The following OTUD5 variants were observed in gnomAD, a reference collection of about 807,000 sequenced individuals.
The protein encoded by OTUD5 is OTU domain-containing protein 5.
A neutral mutation model predicts 36.3 loss-of-function variants in OTUD5; 2 were observed. That is an observed-to-expected ratio of 0.06 (90% CI 0.02 to 0.17). OTUD5 has a LOEUF of 0.17. Among genes scored for constraint, OTUD5 ranks in the 10% least tolerant of loss-of-function variants. The probability of loss-of-function intolerance (pLI) is 1.00; values close to 1 mark genes in which losing one functional copy is unlikely to be tolerated. For synonymous variants in OTUD5, 234 were observed against 214.9 expected, an observed-to-expected ratio of 1.09 and a Z score of -0.78; for missense variants, 233 against 512.3, an observed-to-expected ratio of 0.45 and a Z score of 5.26.
intron 5 of OTUD5, among the ~76,000 whole-genome samples, chrX:48,934,097 G>C (rs1557049387): frequency 1.8e-5 from 2 of 111,492 alleles, no homozygotes; most frequent in African/African-American, 6.5e-5. Flanking sequence ...GGCCAGGCCT[G>C]TACCCCATGT....
intron 1 of OTUD5, among the ~76,000 whole-genome samples, chrX:48,946,812 G>A (rs1490626690): frequency 8.9e-6 from 1 of 112,280 alleles, no homozygotes; most frequent in African/African-American, 3.2e-5. Context: ...TAAAAAGAAG[G>A]GAACACAGCG....
chrX:48,942,280 C>CACACACACACACACACACAG (rs1475092896), intron 2 of OTUD5, among the ~76,000 whole-genome samples: 1 of 91,126 alleles, frequency 1.1e-5, no homozygotes, highest in African/African-American at 4.5e-5. Flanking sequence ...CACACACACA[C>CACACACACACACACACACAG]AGAGAACAGC....
At chrX:48,945,120 T>C (rs1403459610) in intron 1 of OTUD5, among the ~76,000 whole-genome samples, 1 of 110,721 alleles carries the variant, frequency 9.0e-6, no homozygotes, top group Non-Finnish European at 1.9e-5. Flanking sequence ...TACACATATA[T>C]ACATATGTAT....
chrX:48,949,406 G>A lies in OTUD5; in HGVS notation c.595-5123C>T, dbSNP rs73209763. 2.0e-3 allele frequency among the ~76,000 whole-genome samples: 224 copies of A among 111,982 alleles called. 1 individual carries two copies. Among genetic ancestry groups the A allele is most frequent in the Non-Finnish European group, 3.6e-3 (194 of 53,153 alleles). On this transcript the variant is annotated intron_variant, in intron 1 of 8. Coordinates refer to ENST00000376488, the MANE Select transcript of OTUD5 (RefSeq NM_001136157.2). ...TCTACAAAAAATACAGGCCAGGTAC[G>A]GTGATTCACGCCTGTAATCGCGGCA...
intron 5 of OTUD5, among the ~76,000 whole-genome samples, chrX:48,928,879 T>A: frequency 9.9e-6 from 1 of 101,515 alleles, no homozygotes; most frequent in Middle Eastern, 5.2e-3. Context: ...ATGATTACAA[T>A]TATATGACAT....
intron 1 of OTUD5, among the ~76,000 whole-genome samples, chrX:48,948,105 T>C (rs1427642808): frequency 8.9e-6 from 1 of 112,676 alleles, no homozygotes; most frequent in Non-Finnish European, 1.9e-5. Flanking sequence ...CCCAGCACTT[T>C]GGGAGGCCAA....
chrX:48,942,374 C>CA (rs2063949481), intron 2 of OTUD5, among the ~76,000 whole-genome samples: 1 of 107,794 alleles, frequency 9.3e-6, no homozygotes, highest in South Asian at 4.1e-4. Context: ...GCCAGGTCCT[C>CA]ACTAGCCAGT....
Position 48,922,475 on chromosome X carries a change from G to A in OTUD5, c.*699C>T, listed in dbSNP as rs2063596685. 24 of 740,224 alleles carry A rather than the reference G, an allele frequency of 3.2e-5. No homozygotes were observed. In the South Asian group the frequency reaches 1.2e-3, roughly 39 times the overall value. 61.0% of individuals were successfully genotyped at this position (740,224 alleles called of 1,213,427 possible). A position where few individuals can be genotyped will look rare whatever the true frequency, so the allele number is the denominator to read the frequency against. ...ACCTGCCGCCCTGCCCTTGCCCAGT[G>A]CACACCCTAGACCCTGGGCCGGCCT... On this transcript the variant is annotated 3_prime_UTR_variant, in exon 9 of 9. Transcript: ENST00000376488.
chrX:48,928,001 T>A (rs1428471553), intron 5 of OTUD5, among the ~76,000 whole-genome samples: 1 of 112,541 alleles, frequency 8.9e-6, no homozygotes, highest in Non-Finnish European at 1.9e-5. Context: ...GCTATACAGA[T>A]GGCAAATAAG....
rs2064275412 is a variant in OTUD5 at position 48,957,604 on chromosome X, G to C, written c.-34C>G. ...TGCCGAGTACCCCCCAACAAACCCGGCGCGGGGCACGCCGGGAGAGAACCC... is the reference window on the plus strand; with the variant it reads ...TGCCGAGTACCCCCCAACAAACCCGCCGCGGGGCACGCCGGGAGAGAACCC... On this transcript the variant is annotated 5_prime_UTR_variant, in exon 1 of 9. Coordinates refer to ENST00000376488, the MANE Select transcript of OTUD5 (RefSeq NM_001136157.2). 1 of 820,446 alleles carries C rather than the reference G, an allele frequency of 1.2e-6. No homozygotes were observed. 67.6% of individuals were successfully genotyped at this position (820,446 alleles called of 1,213,427 possible).
At chrX:48,935,677 A>G (rs1557049791) in intron 2 of OTUD5, among the ~76,000 whole-genome samples, 1 of 111,013 alleles carries the variant, frequency 9.0e-6, no homozygotes, top group Non-Finnish European at 1.9e-5. Flanking sequence ...GGAGGCTCAC[A>G]CCTGTTATCC....
In OTUD5 at chrX:48,936,969, C is replaced by T. The variant is rs183574582; in HGVS notation, c.689-1951G>A. Among the ~76,000 whole-genome samples, 457 of 111,748 alleles carry T rather than the reference C, an allele frequency of 4.1e-3. 2 individuals carry two copies. Among genetic ancestry groups the T allele is most frequent in the African/African-American group, 0.014 (444 of 30,688 alleles). On this transcript the variant is annotated intron_variant, in intron 2 of 8. Transcript: ENST00000376488. The stretch of plus-strand genomic sequence containing the variant: ...TGAAGAACTGTCAGAAGAACACCTT[C>T]CCTGCCTTCCCCTTCCTACCCTGGA...
intron 2 of OTUD5, among the ~76,000 whole-genome samples, chrX:48,942,297 G>GAGACACAC (rs1396618587): frequency 2.3e-5 from 1 of 44,014 alleles, no homozygotes; most frequent in African/African-American, 1.0e-4. Flanking sequence ...CAGCTAGCTA[G>GAGACACAC]ATACACACAC....
At chrX:48,945,266 CTT>C (rs139382090) in intron 1 of OTUD5, among the ~76,000 whole-genome samples, 4 of 73,264 alleles carry the variant, frequency 5.5e-5, no homozygotes, top group African/African-American at 1.1e-4. Flanking sequence ...AAAATCAAGT[CTT>C]TTTTTTTTTT....
intron 6 of OTUD5, among the ~76,000 whole-genome samples, chrX:48,924,747 T>C (rs1391675046): frequency 2.7e-5 from 3 of 112,484 alleles, no homozygotes; most frequent in African/African-American, 9.7e-5. Context: ...CTACCCTGAC[T>C]GCGCTATTTC....
intron 1 of OTUD5, 94 bp downstream of exon 1, chrX:48,956,883 C>T (rs2064253293): frequency 1.0e-6 from 1 of 952,713 alleles, no homozygotes; most frequent in Non-Finnish European, 1.4e-6. Context: ...GCCTAGATCC[C>T]TTGGGGCGAT....
In OTUD5 at chrX:48,922,804, G is replaced by A. The variant is rs2063601259; in HGVS notation, c.*370C>T. The A allele has an allele frequency of 1.3e-6, 1 of 783,022 alleles. No individual in the cohort carries two copies. Among genetic ancestry groups the A allele is most frequent in the African/African-American group, 2.3e-5 (1 of 44,063 alleles). The allele number at this position is 783,022 out of a possible 1,213,427, so 64.5% of individuals were successfully genotyped here. On this transcript the variant is annotated 3_prime_UTR_variant, in exon 9 of 9. Coordinates refer to ENST00000376488, the MANE Select transcript of OTUD5 (RefSeq NM_001136157.2). ...CATCTTGGAAGGAATGAGGGGCAGG[G>A]AGACTTTCCTCTGTCTGAATGTCTC... is the stretch of plus-strand genomic sequence containing the variant.
chrX:48,931,586 G>A (rs1380155497), intron 5 of OTUD5, among the ~76,000 whole-genome samples: 6 of 104,893 alleles, frequency 5.7e-5, no homozygotes, highest in South Asian at 8.5e-4. Flanking sequence ...TGAGACCAGC[G>A]TGGCCAACAT....
chrX:48,933,956 GA>G (rs2063794679), intron 5 of OTUD5, among the ~76,000 whole-genome samples: 1 of 111,541 alleles, frequency 9.0e-6, no homozygotes, highest in Non-Finnish European at 1.9e-5. Context: ...TATGTGCTGG[GA>G]AAATGCACTG....
Sources: gnomAD v4.1 joint callset for allele counts (sites outside exome capture counted in the v4.1 genomes callset) on GRCh38, gnomAD v4.1.1 for gene constraint, MANE v1.5 for transcripts, NCBI Gene and HGNC (gene_info 2026-07-23, HGNC 2026-07-21) for gene names.